Variants in USP9X observed in about 807,000 individuals in gnomAD.
The protein encoded by USP9X is ubiquitin carboxyl-terminal hydrolase 9X.
USP9X carries 7 observed loss-of-function variants against 190.3 expected under a neutral mutation model. The observed-to-expected ratio is 0.04, with a 90% CI of 0.02 to 0.07. USP9X has a LOEUF of 0.07. Ranked by LOEUF, USP9X falls within the 10% of genes least tolerant of loss-of-function variation. The pLI is 1.00. For missense variants in USP9X, 1,010 were observed against 1,916.9 expected (o/e 0.53, Z 8.83); for synonymous variants, 645 against 659.5 (o/e 0.98, Z 0.34).
At chrX:41,193,433 C>T (rs1464706138) in intron 26 of USP9X, among the ~76,000 whole-genome samples, 1 of 111,420 alleles carries the variant, frequency 9.0e-6, no homozygotes, top group East Asian at 2.8e-4. Flanking sequence ...GAGGCCAAGA[C>T]AGGAGGATCA....
At chrX:41,195,310 C>A (rs1340182321) in intron 26 of USP9X, among the ~76,000 whole-genome samples, 1 of 111,343 alleles carries the variant, frequency 9.0e-6, no homozygotes, top group Non-Finnish European at 1.9e-5. Flanking sequence ...GCTGGGGTTA[C>A]AGGTGTGAGC....
chrX:41,177,393 C>T (rs1195304331), intron 21 of USP9X, among the ~76,000 whole-genome samples: 1 of 111,902 alleles, frequency 8.9e-6, no homozygotes, highest in Non-Finnish European at 1.9e-5. Context: ...ATGTCAGTTG[C>T]GCTGAATATC....
At chrX:41,220,971 A>C in intron 38 of USP9X, among the ~76,000 whole-genome samples, 1 of 104,682 alleles carries the variant, frequency 9.6e-6, no homozygotes, top group Middle Eastern at 5.5e-3. Flanking sequence ...TTGTTATAAT[A>C]ATAGCTTTTG....
At chrX:41,190,199 G>A (rs984668447) in intron 26 of USP9X, among the ~76,000 whole-genome samples, 26 of 111,898 alleles carry the variant, frequency 2.3e-4, no homozygotes, top group African/African-American at 8.4e-4. Flanking sequence ...ATTGATGAAA[G>A]GTTGATGTAA....
rs1239738997 is a variant in USP9X at position 41,200,276 on chromosome X, G to A, written c.4604-784G>A. Among the ~76,000 whole-genome samples, 2 of 110,806 alleles carry A rather than the reference G, an allele frequency of 1.8e-5. 1 individual carries two copies. Among genetic ancestry groups the A allele is most frequent in the Middle Eastern group, 9.4e-3 (2 of 212 alleles). ...ATCACAGATTGGAGTATAGTACAAC[G>A]TTGTTTGCATCCTTCCCTATCTGCC... is the stretch of plus-strand genomic sequence containing the variant. On this transcript the variant is annotated intron_variant, in intron 30 of 44. Coordinates refer to ENST00000378308, the MANE Select transcript of USP9X (RefSeq NM_001039591.3).
At chrX:41,183,100 G>A (rs1000174212) in intron 21 of USP9X, among the ~76,000 whole-genome samples, 3 of 109,588 alleles carry the variant, frequency 2.7e-5, no homozygotes, top group South Asian at 3.9e-4. Flanking sequence ...CACCACGCCC[G>A]GCTGGTTTTT....
At chrX:41,135,336 T>G (rs904432890) in intron 5 of USP9X, among the ~76,000 whole-genome samples, 2 of 110,833 alleles carry the variant, frequency 1.8e-5, no homozygotes, top group African/African-American at 6.6e-5. Context: ...AGTGAAAATC[T>G]AAACCACAAG....
chrX:41,172,928 T>TA (rs751134439), intron 21 of USP9X, among the ~76,000 whole-genome samples: 8 of 111,914 alleles, frequency 7.1e-5, no homozygotes, highest in Non-Finnish European at 1.3e-4. Context: ...GTTTTATCCT[T>TA]ACGTTTTGAA....
intron 1 of USP9X, among the ~76,000 whole-genome samples, chrX:41,113,368 T>C (rs992699016): frequency 5.4e-5 from 6 of 110,593 alleles, no homozygotes; most frequent in Admixed American, 9.7e-5. Flanking sequence ...GCCCGACTAA[T>C]TTTTTGTATT....
chrX:41,116,762 A>G (rs183341545), intron 1 of USP9X, among the ~76,000 whole-genome samples: 1 of 104,540 alleles, frequency 9.6e-6, no homozygotes, highest in Admixed American at 1.1e-4. Context: ...TTATTAAAGC[A>G]ATTCTCATGG....
At chrX:41,206,171 G>A (rs1388063891) in intron 32 of USP9X, among the ~76,000 whole-genome samples, 6 of 111,550 alleles carry the variant, frequency 5.4e-5, no homozygotes, top group African/African-American at 6.5e-5. Flanking sequence ...GATTACAGGC[G>A]TGAGCCACTG....
intron 20 of USP9X, among the ~76,000 whole-genome samples, 177 bp downstream of exon 20, chrX:41,170,796 T>A (rs1034229433): frequency 1.5e-4 from 17 of 112,225 alleles, no homozygotes; most frequent in African/African-American, 4.9e-4. Flanking sequence ...TGTAACACAG[T>A]TGGAATTTAA....
chrX:41,105,195 G>A (rs1191466270), intron 1 of USP9X, among the ~76,000 whole-genome samples: 6 of 111,264 alleles, frequency 5.4e-5, no homozygotes, highest in African/African-American at 2.0e-4. Context: ...AGAGCATGTG[G>A]CCTGACTAAG....
At chrX:41,136,117 T>C (rs772616552) in intron 5 of USP9X, among the ~76,000 whole-genome samples, 4 of 112,409 alleles carry the variant, frequency 3.6e-5, no homozygotes, top group Non-Finnish European at 7.5e-5. Context: ...ATTTGACATT[T>C]AGCTAGCAAA....
intron 5 of USP9X, among the ~76,000 whole-genome samples, 155 bp from the exon 6 acceptor site, chrX:41,136,649 A>G (rs1316673771): frequency 8.9e-6 from 1 of 112,372 alleles, no homozygotes; most frequent in Non-Finnish European, 1.9e-5. Flanking sequence ...AACAAATTCT[A>G]ATTTGTCCTT....
At chrX:41,125,678 ACACACACTCT>A (rs1433624861) in intron 2 of USP9X, among the ~76,000 whole-genome samples, 1 of 33,885 alleles carries the variant, frequency 3.0e-5, no homozygotes, top group African/African-American at 1.2e-4. Context: ...ACACACACAC[ACACACACTCT>A]CTCTCTCTCT....
intron 16 of USP9X, chrX:41,167,088 G>C (rs936652483): frequency 1.5e-4 from 22 of 145,877 alleles, no homozygotes; most frequent in Non-Finnish European, 7.8e-5. Flanking sequence ...GAGTGATAAA[G>C]ATTTATAGAA....
chrX:41,128,927 A>T, intron 2 of USP9X, 73 bp from the exon 3 acceptor site: 1 of 1,084,707 alleles, frequency 9.2e-7, no homozygotes, highest in Admixed American at 2.5e-5. Flanking sequence ...ATGCTTGTCT[A>T]TGTTGGTGTT....
intron 17 of USP9X, 32 bp from the exon 18 acceptor site, chrX:41,167,975 T>C: frequency 8.7e-7 from 1 of 1,155,337 alleles, no homozygotes; most frequent in Non-Finnish European, 1.2e-6. Flanking sequence ...TAAAGCAATT[T>C]TAACTGTGTT....
Sources: gnomAD v4.1 joint callset for allele counts (sites outside exome capture counted in the v4.1 genomes callset) on GRCh38, gnomAD v4.1.1 for gene constraint, MANE v1.5 for transcripts, NCBI Gene and HGNC (gene_info 2026-07-23, HGNC 2026-07-21) for gene names.